Variants in HIP1 observed in about 807,000 individuals in gnomAD.
The protein encoded by HIP1 is huntingtin-interacting protein 1.
In HIP1, 65 loss-of-function variants were observed where a neutral mutation model predicts 147.6. The observed-to-expected ratio is 0.44, with a 90% confidence interval of 0.36 to 0.54. The LOEUF is 0.54. Among genes scored for constraint, HIP1 ranks in the 20% least tolerant of loss-of-function variants. The pLI is 0.00. For missense variants in HIP1, 1,061 were observed against 1,299.6 expected, an observed-to-expected ratio of 0.82 and a Z score of 2.82; for synonymous variants, 479 against 504.0, an observed-to-expected ratio of 0.95 and a Z score of 0.67.
Position 75,635,179 on chromosome 7 carries a change from C to T in HIP1, c.121-35932G>A, listed in dbSNP as rs149054350. Among the ~76,000 whole-genome samples, 771 of 152,226 alleles carry T rather than the reference C, an allele frequency of 5.1e-3. 7 individuals carry two copies. Among genetic ancestry groups the T allele is most frequent in the African/African-American group, 0.017 (692 of 41,560 alleles). On this transcript the variant is annotated intron_variant, in intron 1 of 30. Coordinates refer to ENST00000336926, the MANE Select transcript of HIP1 (RefSeq NM_005338.7). ...CTGAGTGCAGGGTTAAACCAGCTCT[C>T]CCTTGGGCAGATATCTGATGTCATC...
chr7:75,635,342 G>A (rs1247865825), intron 1 of HIP1, among the ~76,000 whole-genome samples: 2 of 152,020 alleles, frequency 1.3e-5, no homozygotes, highest in African/African-American at 4.8e-5. Context: ...AGCTCTGCAG[G>A]CCAATCAAAA....
At chr7:75,675,580 C>G (rs1799862733) in intron 1 of HIP1, among the ~76,000 whole-genome samples, 1 of 152,038 alleles carries the variant, frequency 6.6e-6, no homozygotes, top group African/African-American at 2.4e-5. Flanking sequence ...TAATTTCTAT[C>G]TGTTAATTCA....
intron 1 of HIP1, among the ~76,000 whole-genome samples, chr7:75,647,773 G>A (rs1798853088): frequency 6.6e-6 from 1 of 152,250 alleles, no homozygotes. Context: ...ATTTAGGGAG[G>A]CACCATGCAC....
At chr7:75,633,569 A>C (rs1266145786) in intron 1 of HIP1, among the ~76,000 whole-genome samples, 1 of 152,036 alleles carries the variant, frequency 6.6e-6, no homozygotes, top group Admixed American at 6.6e-5. Context: ...TGGGATTACA[A>C]GCGTGAGCCA....
rs2116747913 is a variant in HIP1, at chr7:75,544,996, G to T, written c.2660+92C>A. 4 of 848,134 alleles carry T rather than the reference G, an allele frequency of 4.7e-6. No homozygotes were observed. In the South Asian group the frequency reaches 6.2e-5, roughly 13 times the overall value. The allele number at this position is 848,134 out of a possible 1,614,324, so 52.5% of individuals were successfully genotyped here. ...CCTGATCAATAGTTTATTTCTAAGG[G>T]ACAGATTTTTTTTTCCCTCCTTAGC... On this transcript the variant is annotated intron_variant, in intron 26 of 30. Transcript: ENST00000336926.
At position 75,599,188 on chromosome 7, in the gene HIP1, G is replaced by A. The variant is rs1554502516; in HGVS notation, c.180C>T (p.Ala60=). 6.2e-7 allele frequency: 1 copy of A among 1,611,044 alleles called. No individual in the cohort carries two copies. Among genetic ancestry groups the A allele is most frequent in the South Asian group, 1.1e-5 (1 of 91,002 alleles). ...AAGCAACATCCAAAAGGATATTTCTGGCGTGTTTTTCCTTTACAGCCACTT... is the reference window on the plus strand; with the variant it reads ...AAGCAACATCCAAAAGGATATTTCTAGCGTGTTTTTCCTTTACAGCCACTT... ...TQEVAVKEKH[A]RTCILGTHHE... Residue 60 remains alanine (A), a synonymous_variant, in exon 2 of 31, where the codon GCC becomes GCT. Coordinates refer to ENST00000336926, the MANE Select transcript of HIP1 (RefSeq NM_005338.7).
Position 75,669,351 on chromosome 7 carries a change from C to T in HIP1, c.120+69450G>A, listed in dbSNP as rs145551057. 7.6e-3 allele frequency among the ~76,000 whole-genome samples: 1,161 copies of T among 151,828 alleles called. 21 individuals carry two copies. Among genetic ancestry groups the T allele is most frequent in the African/African-American group, 0.026 (1,073 of 41,394 alleles). ...TCATGCCACTGCACTCTAGCCTGGGCGACAGAGCGAGACTCCATCTCAAAA... is the reference window on the plus strand; with the variant it reads ...TCATGCCACTGCACTCTAGCCTGGGTGACAGAGCGAGACTCCATCTCAAAA... On this transcript the variant is annotated intron_variant, in intron 1 of 30. Transcript: ENST00000336926.
intron 1 of HIP1, among the ~76,000 whole-genome samples, chr7:75,632,564 T>C (rs149907563): frequency 0.27 from 38,350 of 143,872 alleles, 5,535 homozygotes; most frequent in African/African-American, 0.46. Flanking sequence ...ATTTTTTCTT[T>C]TTTTTTTTTT....
intron 1 of HIP1, among the ~76,000 whole-genome samples, chr7:75,722,491 C>T (rs1362974568): frequency 2.0e-5 from 3 of 152,086 alleles, no homozygotes; most frequent in Non-Finnish European, 2.9e-5. Flanking sequence ...TAAGACTTCC[C>T]GATTCCTAAT....
intron 1 of HIP1, among the ~76,000 whole-genome samples, chr7:75,738,353 T>C (rs574137322): frequency 6.6e-6 from 1 of 152,098 alleles, no homozygotes; most frequent in South Asian, 2.1e-4. Flanking sequence ...AACCAAGAAG[T>C]GATCGGAGGG....
intron 1 of HIP1, among the ~76,000 whole-genome samples, chr7:75,663,552 G>T (rs969953779): frequency 1.3e-5 from 2 of 151,988 alleles, no homozygotes; most frequent in Non-Finnish European, 2.9e-5. Flanking sequence ...GACAGGAGCA[G>T]ATCTGAGTTT....
intron 1 of HIP1, among the ~76,000 whole-genome samples, chr7:75,728,931 G>A (rs1380414681): frequency 6.7e-6 from 1 of 150,170 alleles, no homozygotes; most frequent in African/African-American, 2.4e-5. Context: ...AGTGAAGGGG[G>A]AGTATGGTGG....
At chr7:75,569,144 G>A (rs1427050607) in intron 8 of HIP1, among the ~76,000 whole-genome samples, 3 of 152,224 alleles carry the variant, frequency 2.0e-5, no homozygotes, top group Non-Finnish European at 4.4e-5. Flanking sequence ...CTGAGGTTCT[G>A]TAACCTCTCA....
intron 22 of HIP1, among the ~76,000 whole-genome samples, chr7:75,551,135 C>G (rs1479940636): frequency 7.0e-6 from 1 of 142,356 alleles, no homozygotes; most frequent in African/African-American, 2.7e-5. Flanking sequence ...TACCTGTAGT[C>G]TATATCATGT....
intron 28 of HIP1, 80 bp from the exon 29 acceptor site, chr7:75,542,060 T>C (rs1794343648): frequency 1.7e-6 from 2 of 1,158,786 alleles, no homozygotes; most frequent in Admixed American, 1.7e-5. Context: ...ATGCCAATGC[T>C]CTGTGGAAAC....
At chr7:75,686,181 C>T (rs899447844) in intron 1 of HIP1, among the ~76,000 whole-genome samples, 1 of 152,122 alleles carries the variant, frequency 6.6e-6, no homozygotes, top group Non-Finnish European at 1.5e-5. Context: ...TGAGCCACTG[C>T]ACCCGGCCCC....
At chr7:75,645,913 G>A (rs1798786203) in intron 1 of HIP1, among the ~76,000 whole-genome samples, 1 of 152,086 alleles carries the variant, frequency 6.6e-6, no homozygotes, top group Admixed American at 6.6e-5. Flanking sequence ...CATAAAGATG[G>A]GAACAACAGA....
At chr7:75,669,511 A>C (rs1453170929) in intron 1 of HIP1, among the ~76,000 whole-genome samples, 1 of 152,126 alleles carries the variant, frequency 6.6e-6, no homozygotes, top group African/African-American at 2.4e-5. Context: ...GCAGTCAGCC[A>C]AGCTTGTGCC....
chr7:75,696,761 G>T (rs1554518804), intron 1 of HIP1, among the ~76,000 whole-genome samples: 1 of 150,790 alleles, frequency 6.6e-6, no homozygotes. Flanking sequence ...CACCACACCT[G>T]GCTAATTTTT....
Sources: gnomAD v4.1 joint callset for allele counts (sites outside exome capture counted in the v4.1 genomes callset) on GRCh38, gnomAD v4.1.1 for gene constraint, MANE v1.5 for transcripts, NCBI Gene and HGNC (gene_info 2026-07-23, HGNC 2026-07-21) for gene names.